GRM7: variants seen among roughly 807,000 people sequenced by gnomAD.
GRM7 encodes glutamate metabotropic receptor 7, also known as metabotropic glutamate receptor 7.
Under a neutral mutation model 84.5 loss-of-function variants are expected in GRM7, and 35 were observed. The observed-to-expected ratio is 0.41, with a 90% CI of 0.32 to 0.55. The LOEUF (loss-of-function observed/expected upper bound fraction) is 0.55, where lower values mean the gene tolerates loss of function less well. GRM7 is among the 20% of genes least tolerant of loss of function. The pLI is 0.19. For synonymous variants in GRM7, 487 were observed against 455.1 expected (o/e 1.07, Z -0.89); for missense variants, 1,003 against 1,194.6 (o/e 0.84, Z 2.36).
At chr3:6,892,381 T>C (rs987188724) in intron 1 of GRM7, among the ~76,000 whole-genome samples, 11 of 152,264 alleles carry the variant, frequency 7.2e-5, no homozygotes, top group South Asian at 4.1e-4. Flanking sequence ...CATGATTCTA[T>C]AATTTTGATA....
chr3:7,071,865 C>T (rs562384698), intron 1 of GRM7, among the ~76,000 whole-genome samples: 1 of 152,118 alleles, frequency 6.6e-6, no homozygotes, highest in South Asian at 2.1e-4. Flanking sequence ...TAGCATTAAA[C>T]CTATACCAGT....
intron 7 of GRM7, among the ~76,000 whole-genome samples, chr3:7,515,694 A>G (rs1700351530): frequency 6.6e-6 from 1 of 152,182 alleles, no homozygotes; most frequent in African/African-American, 2.4e-5. Context: ...AGGACTCACA[A>G]GTAATCCATG....
intron 5 of GRM7, 118 bp downstream of exon 5, chr3:7,415,281 A>G (rs1474633392): frequency 1.2e-6 from 1 of 841,224 alleles, no homozygotes; most frequent in Admixed American, 2.3e-5. Context: ...ATTAAATTTT[A>G]CTAGATTGTT....
At chr3:7,601,664 A>G (rs182597000) in intron 8 of GRM7, among the ~76,000 whole-genome samples, 1 of 152,190 alleles carries the variant, frequency 6.6e-6, no homozygotes, top group East Asian at 1.9e-4. Context: ...GTTCTCGTGT[A>G]TAGGAAGTCA....
chr3:7,056,265 A>C, intron 1 of GRM7, among the ~76,000 whole-genome samples: 1 of 152,000 alleles, frequency 6.6e-6, no homozygotes, highest in East Asian at 1.9e-4. Flanking sequence ...TCTCAATGGC[A>C]GAGCTTCTAC....
chr3:7,004,843 G>A (rs940294226), intron 1 of GRM7, among the ~76,000 whole-genome samples: 9 of 152,140 alleles, frequency 5.9e-5, no homozygotes, highest in African/African-American at 1.9e-4. Flanking sequence ...CAAGAAGCTT[G>A]GATGACTCCA....
rs112022851 is a variant in GRM7 at position 7,708,744 on chromosome 3, C to T, written c.2698+28449C>T. On this transcript the variant is annotated intron_variant, in intron 9 of 9. Transcript: ENST00000357716. ...ATCCCAACATCCTACGGTTGATCTT[C>T]CCTAGCTCTCCCAGCAGCCGGGTAG... 1.6e-4 allele frequency among the ~76,000 whole-genome samples: 25 copies of T among 152,162 alleles called. 1 individual carries two copies. Among genetic ancestry groups the T allele is most frequent in the African/African-American group, 5.5e-4 (23 of 41,522 alleles).
At chr3:6,977,826 C>T (rs1351822477) in intron 1 of GRM7, among the ~76,000 whole-genome samples, 4 of 152,024 alleles carry the variant, frequency 2.6e-5, no homozygotes, top group Non-Finnish European at 4.4e-5. Context: ...TTAAAGTAGT[C>T]CTAACTGATA....
At chr3:7,031,253 C>G (rs191993930) in intron 1 of GRM7, among the ~76,000 whole-genome samples, 4 of 152,186 alleles carry the variant, frequency 2.6e-5, no homozygotes, top group African/African-American at 9.6e-5. Flanking sequence ...TACTAAGTCT[C>G]TTCACACCTA....
At chr3:7,436,165 T>C (rs1333520085) in intron 5 of GRM7, among the ~76,000 whole-genome samples, 1 of 152,102 alleles carries the variant, frequency 6.6e-6, no homozygotes, top group Non-Finnish European at 1.5e-5. Context: ...TTTATTAACC[T>C]TATAAAAATA....
At chr3:7,611,237 T>C (rs1696832378) in intron 8 of GRM7, among the ~76,000 whole-genome samples, 1 of 152,184 alleles carries the variant, frequency 6.6e-6, no homozygotes, top group South Asian at 2.1e-4. Flanking sequence ...CTAAATACCT[T>C]GGAACAGTGC....
intron 1 of GRM7, among the ~76,000 whole-genome samples, chr3:7,015,596 T>C (rs568715452): frequency 1.3e-5 from 2 of 152,330 alleles, no homozygotes; most frequent in South Asian, 4.1e-4. Flanking sequence ...AACTAGCTGG[T>C]TCTGGCTTAA....
intron 2 of GRM7, among the ~76,000 whole-genome samples, chr3:7,236,139 A>G (rs1697340712): frequency 6.6e-6 from 1 of 152,164 alleles, no homozygotes; most frequent in East Asian, 1.9e-4. Context: ...CACTAATACC[A>G]TTTATAAAGC....
At chr3:7,428,492 T>G (rs1696701103) in intron 5 of GRM7, among the ~76,000 whole-genome samples, 1 of 152,224 alleles carries the variant, frequency 6.6e-6, no homozygotes, top group South Asian at 2.1e-4. Context: ...TATTAATGAG[T>G]GCTTACTCTT....
At chr3:7,411,832 T>G (rs1314008340) in intron 4 of GRM7, among the ~76,000 whole-genome samples, 1 of 152,172 alleles carries the variant, frequency 6.6e-6, no homozygotes, top group East Asian at 1.9e-4. Flanking sequence ...GAATGGCTGG[T>G]TTTTGAAGAA....
At position 7,253,961 on chromosome 3, in the gene GRM7, G is replaced by T. The variant is rs573826065; in HGVS notation, c.737-44723G>T. 2.0e-5 allele frequency among the ~76,000 whole-genome samples: 3 copies of T among 152,334 alleles called. No individual in the cohort carries two copies. The East Asian group carries it at 5.8e-4, about 29-fold the overall frequency. On this transcript the variant is annotated intron_variant, in intron 2 of 9. Transcript: ENST00000357716. ...AGCACAGCTTTGAGTATTGAGTATT[G>T]TGAGCCCCTGTGGGATGCATTCCAC... is the stretch of plus-strand genomic sequence containing the variant.
chr3:7,024,358 A>G (rs542908798), intron 1 of GRM7, among the ~76,000 whole-genome samples: 66 of 152,354 alleles, frequency 4.3e-4, no homozygotes, highest in African/African-American at 1.5e-3. Context: ...AGTCAAACCA[A>G]CCACACCAAA....
intron 2 of GRM7, among the ~76,000 whole-genome samples, chr3:7,216,122 G>T (rs976625361): frequency 1.3e-5 from 2 of 150,456 alleles, no homozygotes; most frequent in Non-Finnish European, 2.9e-5. Flanking sequence ...ATTTCCAAAA[G>T]CTTTTGAAAA....
rs147997178 is a variant in GRM7, at chr3:7,579,111, C to G, written c.2205C>G (p.His735Gln). 2 of 1,613,582 alleles carry G rather than the reference C, an allele frequency of 1.2e-6. No individual in the cohort carries two copies. The highest frequency in any genetic ancestry group is 1.7e-6 in the Non-Finnish European group (2 of 1,179,692). Residue 735 changes from histidine to glutamine, a missense_variant, in exon 8 of 10, where the codon CAC becomes CAG. This residue lies in a region of GRM7 where 910 missense variants were observed against 1,126.0 expected (regional missense o/e 0.81). Coordinates refer to ENST00000357716, the MANE Select transcript of GRM7 (RefSeq NM_000844.4). ...PPNIIIDYDE[H>Q]KTMNPEQARG... ...ACATCATCATAGACTATGATGAACA[C>G]AAGACAATGAACCCTGAGCAAGCCA...
Sources: allele counts gnomAD v4.1 joint callset (sites outside exome capture counted in the v4.1 genomes callset), GRCh38; gene constraint gnomAD v4.1.1; regional missense constraint gnomAD v4.1.1; transcripts MANE v1.5; gene names NCBI Gene and HGNC (gene_info 2026-07-23, HGNC 2026-07-21).